The following CXorf58 variants were observed in gnomAD, a reference collection of about 807,000 sequenced individuals.
CXorf58 encodes chromosome X open reading frame 58.
A neutral mutation model predicts 26.0 loss-of-function variants in CXorf58; 24 were observed. The ratio of observed to expected loss-of-function variants is 0.92; its 90% CI spans 0.67 to 1.30. The LOEUF is 1.30. CXorf58 is among the 50% of genes most tolerant of loss of function. The probability of loss-of-function intolerance (pLI) is 0.00; values close to 1 mark genes in which losing one functional copy is unlikely to be tolerated. For missense variants in CXorf58, 236 were observed against 263.9 expected, an observed-to-expected ratio of 0.89 and a Z score of 0.73; for synonymous variants, 87 against 86.1, an observed-to-expected ratio of 1.01 and a Z score of -0.06.
intron 5 of CXorf58, among the ~76,000 whole-genome samples, chrX:23,924,333 T>G (rs1231488852): frequency 5.6e-5 from 6 of 107,518 alleles, no homozygotes; most frequent in African/African-American, 1.7e-4. Context: ...TTTATTTATT[T>G]ATTTATGAGG....
intron 1 of CXorf58, among the ~76,000 whole-genome samples, chrX:23,909,211 C>A (rs891526663): frequency 9.8e-5 from 11 of 112,151 alleles, no homozygotes; most frequent in African/African-American, 3.6e-4. Flanking sequence ...TAAATTAGGG[C>A]AGAAGTTCTT....
intron 5 of CXorf58, among the ~76,000 whole-genome samples, chrX:23,925,786 CTTTTTTT>C (rs11296283): frequency 1.4e-5 from 1 of 71,758 alleles, no homozygotes. Context: ...CTTTTCTTTT[CTTTTTTT>C]TTTTTTTTTT....
Position 23,933,583 on chromosome X carries a change from T to G in CXorf58, c.556-1613T>G, listed in dbSNP as rs1237566255. On this transcript the variant is annotated intron_variant, in intron 6 of 8. Coordinates refer to ENST00000379211, the MANE Select transcript of CXorf58 (RefSeq NM_152761.3). ...CAGCCTGGGCAACATAGTGAGACCC[T>G]ATCTCTACAAAGATTAAAAAATTGG... Among the ~76,000 whole-genome samples, 4 of 109,750 alleles carry G rather than the reference T, an allele frequency of 3.6e-5. 1 individual carries two copies. The highest frequency in any genetic ancestry group is 7.6e-5 in the Non-Finnish European group (4 of 52,597).
rs148318781 is a variant in CXorf58, at chrX:23,922,878, C to G, written c.424-4361C>G. On this transcript the variant is annotated intron_variant, in intron 5 of 8. Transcript: ENST00000379211. ...TAGCTTTACAAGCCCAAGTGTGGAT[C>G]TAGGCCAGCAAATAGCCACAGAGCT... Among the ~76,000 whole-genome samples the G allele has an allele frequency of 3.0e-3, 335 of 112,168 alleles. 2 individuals carry two copies. Among genetic ancestry groups the G allele is most frequent in the African/African-American group, 0.01 (315 of 30,912 alleles).
At chrX:23,926,815 C>T (rs185867124) in intron 5 of CXorf58, among the ~76,000 whole-genome samples, 169 of 111,763 alleles carry the variant, frequency 1.5e-3, no homozygotes, top group African/African-American at 5.3e-3. Flanking sequence ...GCCAGGAGAT[C>T]GAGACCATCC....
In CXorf58 at chrX:23,938,680, A is replaced by G; in HGVS notation, c.919A>G (p.Lys307Glu). Residue 307 changes from lysine (K) to glutamate (E), a missense_variant, in exon 8 of 9, where the codon AAA (lysine) becomes GAA (glutamate). Transcript: ENST00000379211. ...GAGAAAAGTTTATTTGGCTAAAGAAAAAAATACTTCTGAGGTGACTGTAAG... is the reference window on the plus strand; with the variant it reads ...GAGAAAAGTTTATTTGGCTAAAGAAGAAAATACTTCTGAGGTGACTGTAAG... ...KMRKVYLAKEKNTSEVTEPKT... is the reference protein window; with the variant it reads ...KMRKVYLAKEENTSEVTEPKT... 1 of 1,179,498 alleles carries G rather than the reference A, an allele frequency of 8.5e-7. No individual in the cohort carries two copies. Among genetic ancestry groups the G allele is most frequent in the Middle Eastern group, 2.5e-4 (1 of 4,080 alleles).
intron 3 of CXorf58, among the ~76,000 whole-genome samples, chrX:23,914,915 AC>A (rs1927681800): frequency 1.8e-5 from 2 of 110,815 alleles, no homozygotes; most frequent in South Asian, 7.7e-4. Context: ...CGTGCGGCTC[AC>A]AAGGTCAGGA....
chrX:23,936,594 A>G (rs1928301643), intron 7 of CXorf58, among the ~76,000 whole-genome samples: 1 of 112,291 alleles, frequency 8.9e-6, no homozygotes, highest in African/African-American at 3.2e-5. Flanking sequence ...GAAAGAGATA[A>G]TAATATGTAA....
At chrX:23,926,069 G>A (rs1173889090) in intron 5 of CXorf58, among the ~76,000 whole-genome samples, 1 of 110,492 alleles carries the variant, frequency 9.1e-6, no homozygotes, top group Non-Finnish European at 1.9e-5. Context: ...AATTACAGGA[G>A]TGAGCCACCA....
intron 3 of CXorf58, among the ~76,000 whole-genome samples, chrX:23,915,102 C>T (rs1266104340): frequency 8.9e-6 from 1 of 112,618 alleles, no homozygotes; most frequent in Non-Finnish European, 1.9e-5. Context: ...CCACCGCACT[C>T]GAGCCTGGGC....
At chrX:23,937,704 TG>T (rs1180529620) in intron 7 of CXorf58, among the ~76,000 whole-genome samples, 2 of 107,631 alleles carry the variant, frequency 1.9e-5, no homozygotes, top group Non-Finnish European at 3.9e-5. Flanking sequence ...GGATTACAGG[TG>T]TAAGCCACCG....
In CXorf58 at chrX:23,935,318, G is replaced by A. The variant is rs374205248; in HGVS notation, c.678G>A (p.Glu226=). Residue 226 remains glutamate (E), a synonymous_variant, in exon 7 of 9, where the codon GAG becomes GAA. Transcript: ENST00000379211. ...TGTATGACATAGTTCATTATTCAGA[G>A]TCTGGAGTGATCTCAAACCGTCTAC... ...MLMYDIVHYS[E]SGVISNRLRN... 6.4e-5 allele frequency: 77 copies of A among 1,207,055 alleles called. No individual in the cohort carries two copies. The highest frequency in any genetic ancestry group is 8.2e-5 in the Non-Finnish European group (73 of 892,668).
chrX:23,924,950 T>C (rs894535594), intron 5 of CXorf58, among the ~76,000 whole-genome samples: 1 of 111,405 alleles, frequency 9.0e-6, no homozygotes, highest in Non-Finnish European at 1.9e-5. Flanking sequence ...GACAGTAATA[T>C]AGTGATAATT....
intron 5 of CXorf58, among the ~76,000 whole-genome samples, chrX:23,922,732 C>T (rs918137946): frequency 8.9e-6 from 1 of 112,415 alleles, no homozygotes; most frequent in African/African-American, 3.2e-5. Flanking sequence ...TTATTCTGAA[C>T]CTGTATGTAA....
At position 23,915,769 on chromosome X, in the gene CXorf58, A is replaced by C; in HGVS notation, c.286A>C (p.Thr96Pro). The change falls in exon 4 of 9, where the codon ACT becomes CCT. Residue 96 changes from threonine to proline, a missense_variant. Physicochemically the swap from Thr to Pro is conservative, Grantham distance 38. Transcript: ENST00000379211. ...AGAGGCTAAGCTTATTAAGGATCCT[A>C]CTATGCAGTGTAAAATTAGATTCAG... The part of the protein sequence containing the change: ...PLEAKLIKDP[T>P]MQCKIRFRFR... The C allele has an allele frequency of 8.5e-7, 1 of 1,170,340 alleles. No homozygotes were observed. Among genetic ancestry groups the C allele is most frequent in the African/African-American group, 1.8e-5 (1 of 57,067 alleles).
At chrX:23,927,682 ATTT>A (rs1287590273) in intron 6 of CXorf58, among the ~76,000 whole-genome samples, 1 of 110,284 alleles carries the variant, frequency 9.1e-6, no homozygotes, top group Non-Finnish European at 1.9e-5. Context: ...TGTTCAGATT[ATTT>A]TGTCACCCAA....
chrX:23,910,419 G>GT lies in CXorf58; in HGVS notation c.116+2dup, dbSNP rs755980339. The GT allele has an allele frequency of 1.7e-5, 18 of 1,030,713 alleles. No homozygotes were observed. The highest frequency in any genetic ancestry group is 2.6e-4 in the Middle Eastern group (1 of 3,863). 84.9% of individuals were successfully genotyped at this position (1,030,713 alleles called of 1,213,427 possible). ...CACGAAATGCAAGATCATTACTATC[G>GT]TAAGTACCTGTGTTTTGCCTTGTGT... On this transcript the variant is annotated splice_donor_variant, in intron 2 of 8. Transcript: ENST00000379211. LOFTEE classifies it high-confidence loss of function.
At chrX:23,918,721 T>C (rs1294163196) in intron 5 of CXorf58, among the ~76,000 whole-genome samples, 2 of 112,291 alleles carry the variant, frequency 1.8e-5, no homozygotes, top group African/African-American at 6.5e-5. Context: ...TTCTTTCAGA[T>C]TGAAGAATTC....
intron 5 of CXorf58, among the ~76,000 whole-genome samples, chrX:23,917,499 C>T (rs1165864286): frequency 1.8e-5 from 2 of 108,651 alleles, no homozygotes; most frequent in Admixed American, 9.7e-5. Flanking sequence ...CTCACCACAA[C>T]CTCCACCTGC....
Sources: gnomAD v4.1 joint callset for allele counts (sites outside exome capture counted in the v4.1 genomes callset) on GRCh38, gnomAD v4.1.1 for gene constraint, MANE v1.5 for transcripts, NCBI Gene and HGNC (gene_info 2026-07-23, HGNC 2026-07-21) for gene names.